BACH2: variants seen among roughly 807,000 people sequenced by gnomAD.
The protein encoded by BACH2 is BACH transcriptional regulator 2.
In BACH2, 5 loss-of-function variants were observed where a neutral mutation model predicts 61.8. That is an observed-to-expected ratio of 0.08 (90% CI 0.04 to 0.17). BACH2 has a LOEUF of 0.17. BACH2 is among the 10% of genes least tolerant of loss of function. BACH2 has a pLI of 1.00. For missense variants in BACH2, 824 were observed against 1,091.1 expected (o/e 0.76, Z 3.45); for synonymous variants, 446 against 440.1 (o/e 1.01, Z -0.17).
chr6:90,119,485 C>T (rs1451522155), intron 4 of BACH2, among the ~76,000 whole-genome samples: 1 of 152,262 alleles, frequency 6.6e-6, no homozygotes, highest in East Asian at 1.9e-4. Flanking sequence ...CTTCCACTTG[C>T]TTTGTGGTGT....
intron 4 of BACH2, among the ~76,000 whole-genome samples, chr6:90,147,981 A>G (rs146301254): frequency 6.6e-6 from 1 of 152,304 alleles, no homozygotes; most frequent in East Asian, 1.9e-4. Flanking sequence ...CTTGTTGCAA[A>G]ATGAGATGAG....
In BACH2 at chr6:89,989,318, C is replaced by T. The variant is rs1270869303; in HGVS notation, c.243+19284G>A. The stretch of plus-strand genomic sequence containing the variant: ...ACAACTCTCCTTTTCCACCTCCTCA[C>T]ACCCCCGGTAACCACCACTTGACTT... On this transcript the variant is annotated intron_variant, in intron 6 of 8. Transcript: ENST00000257749. 2.0e-5 allele frequency among the ~76,000 whole-genome samples: 3 copies of T among 152,344 alleles called. No homozygotes were observed. In the East Asian group the frequency reaches 5.8e-4, roughly 29 times the overall value.
intron 4 of BACH2, among the ~76,000 whole-genome samples, chr6:90,198,170 C>A (rs566953479): frequency 6.6e-6 from 1 of 152,292 alleles, no homozygotes; most frequent in African/African-American, 2.4e-5. Flanking sequence ...GTATAATTAC[C>A]CTGCTAATGC....
rs1252986749 is a variant in BACH2, at chr6:90,296,548, C to T, written c.-514G>A. 6.6e-6 allele frequency: 1 copy of T among 151,868 alleles called. No individual in the cohort carries two copies. Among genetic ancestry groups the T allele is most frequent in the South Asian group, 2.1e-4 (1 of 4,830 alleles). 9.4% of individuals were successfully genotyped at this position (151,868 alleles called of 1,614,324 possible). On this transcript the variant is annotated 5_prime_UTR_variant, in exon 1 of 9. Coordinates refer to ENST00000257749, the MANE Select transcript of BACH2 (RefSeq NM_021813.4). Reference sequence around the variant, plus strand: ...CGTCTTCCCGGCTCGCAGCCCCCTCCCGGCAGCCGGCGAGGTGGGCAGTTC... The same window carrying T: ...CGTCTTCCCGGCTCGCAGCCCCCTCTCGGCAGCCGGCGAGGTGGGCAGTTC...
intron 4 of BACH2, among the ~76,000 whole-genome samples, chr6:90,193,911 T>C (rs1345167652): frequency 6.6e-6 from 1 of 152,152 alleles, no homozygotes; most frequent in East Asian, 1.9e-4. Flanking sequence ...AAAATTTGAA[T>C]TTACAGGAAG....
intron 7 of BACH2, among the ~76,000 whole-genome samples, chr6:89,942,381 A>G (rs210051): frequency 0.39 from 59,445 of 152,064 alleles, 12,327 homozygotes; most frequent in East Asian, 0.71. Context: ...GAGAAGGCCA[A>G]CAGACCTTGG....
chr6:89,994,427 G>A (rs948762364), intron 6 of BACH2, among the ~76,000 whole-genome samples: 1 of 152,182 alleles, frequency 6.6e-6, no homozygotes, highest in Admixed American at 6.5e-5. Flanking sequence ...ATGGGAAAAG[G>A]TCTTCTAACT....
chr6:90,017,034 C>T (rs1186127960), intron 5 of BACH2, among the ~76,000 whole-genome samples: 1 of 151,972 alleles, frequency 6.6e-6, no homozygotes, highest in Non-Finnish European at 1.5e-5. Flanking sequence ...TTCTTGGATA[C>T]GTGGATAGTT....
intron 5 of BACH2, among the ~76,000 whole-genome samples, chr6:90,011,503 G>A (rs1777707861): frequency 6.6e-6 from 1 of 151,862 alleles, no homozygotes; most frequent in Admixed American, 6.6e-5. Context: ...TATGGACTCT[G>A]TCTTTTACTA....
At chr6:90,085,683 A>G (rs1279697216) in intron 5 of BACH2, among the ~76,000 whole-genome samples, 1 of 152,134 alleles carries the variant, frequency 6.6e-6, no homozygotes, top group African/African-American at 2.4e-5. Flanking sequence ...AGGCTGCCCA[A>G]AGGGTAACAG....
At chr6:90,070,239 T>C (rs1198784898) in intron 5 of BACH2, among the ~76,000 whole-genome samples, 1 of 152,044 alleles carries the variant, frequency 6.6e-6, no homozygotes, top group Non-Finnish European at 1.5e-5. Flanking sequence ...TCCTTAAACC[T>C]CAGGCAATTC....
chr6:90,062,777 A>G (rs1364529115), intron 5 of BACH2: 1 of 260,436 alleles, frequency 3.8e-6, no homozygotes, highest in Non-Finnish European at 5.8e-6. Flanking sequence ...TTTTTTCCCT[A>G]AAGTGTAGTG....
At chr6:89,970,939 C>T (rs973128207) in intron 6 of BACH2, among the ~76,000 whole-genome samples, 1 of 152,104 alleles carries the variant, frequency 6.6e-6, no homozygotes, top group African/African-American at 2.4e-5. Context: ...GGGATCTTAA[C>T]GGTGTATTTT....
intron 4 of BACH2, chr6:90,116,735 A>G (rs746774324): frequency 1.6e-5 from 7 of 426,396 alleles, no homozygotes; most frequent in Non-Finnish European, 3.1e-5. Flanking sequence ...TCTACAATCA[A>G]CTGCTACCAC....
chr6:90,054,040 C>T (rs571566244), intron 5 of BACH2, among the ~76,000 whole-genome samples: 185 of 152,024 alleles, frequency 1.2e-3, no homozygotes, highest in African/African-American at 3.8e-3. Context: ...CCAGCGTGAG[C>T]GATGCAGAAG....
chr6:90,260,889 C>T (rs1771134993), intron 2 of BACH2, among the ~76,000 whole-genome samples: 1 of 152,158 alleles, frequency 6.6e-6, no homozygotes, highest in Non-Finnish European at 1.5e-5. Context: ...TCTGCTCAGG[C>T]CAATAGGAGT....
Position 90,206,359 on chromosome 6 carries a change from A to G in BACH2, c.-162+210T>C, listed in dbSNP as rs1473389054. Among the ~76,000 whole-genome samples, 6 of 152,276 alleles carry G rather than the reference A, an allele frequency of 3.9e-5. No homozygotes were observed. The South Asian group carries it at 8.3e-4, about 21-fold the overall frequency. On this transcript the variant is annotated intron_variant, in intron 4 of 8. Transcript: ENST00000257749. ...TTTCAGCCACTCAGAGGCCCCTGGCAAGTATAAATGACACCTCCAGAGGAC... is the reference window on the plus strand; with the variant it reads ...TTTCAGCCACTCAGAGGCCCCTGGCGAGTATAAATGACACCTCCAGAGGAC...
At chr6:90,056,022 A>G (rs1483763633) in intron 5 of BACH2, among the ~76,000 whole-genome samples, 2 of 152,228 alleles carry the variant, frequency 1.3e-5, no homozygotes, top group Non-Finnish European at 1.5e-5. Flanking sequence ...AAAACATACC[A>G]AATTGTAAAG....
intron 7 of BACH2, among the ~76,000 whole-genome samples, chr6:89,943,057 C>T (rs1773528332): frequency 6.6e-6 from 1 of 152,154 alleles, no homozygotes; most frequent in African/African-American, 2.4e-5. Context: ...AGCTATCTTC[C>T]TTCCTTGGCC....
Sources: gnomAD v4.1 joint callset for allele counts (sites outside exome capture counted in the v4.1 genomes callset) on GRCh38, gnomAD v4.1.1 for gene constraint, MANE v1.5 for transcripts, NCBI Gene and HGNC (gene_info 2026-07-23, HGNC 2026-07-21) for gene names.